The following FAM135A variants were observed in gnomAD, a reference collection of about 807,000 sequenced individuals.
The protein encoded by FAM135A is protein FAM135A.
In FAM135A, 79 loss-of-function variants were observed where a neutral mutation model predicts 146.8. That is an observed-to-expected ratio of 0.54 (90% CI 0.45 to 0.65). The LOEUF (loss-of-function observed/expected upper bound fraction) is 0.65. FAM135A is among the 30% of genes least tolerant of loss of function. The pLI is 0.00. For missense variants in FAM135A, 1,623 were observed against 1,758.2 expected, an observed-to-expected ratio of 0.92 and a Z score of 1.38; for synonymous variants, 562 against 603.6, an observed-to-expected ratio of 0.93 and a Z score of 1.01.
chr6:70,491,003 G>T (rs1483748652), intron 10 of FAM135A, 31 bp from the exon 11 acceptor site: 5 of 1,496,676 alleles, frequency 3.3e-6, no homozygotes, highest in Non-Finnish European at 4.5e-6. Context: ...TCTAACATTG[G>T]AATATTTCCT....
chr6:70,423,472 T>C (rs780173089), intron 2 of FAM135A, among the ~76,000 whole-genome samples: 9 of 152,206 alleles, frequency 5.9e-5, no homozygotes, highest in Admixed American at 5.2e-4. Flanking sequence ...TCCATTTTTT[T>C]GCTTTACCGT....
chr6:70,475,492 G>A lies in FAM135A; in HGVS notation c.240G>A (p.Glu80=), dbSNP rs903446742. 7 of 1,606,156 alleles carry A rather than the reference G, an allele frequency of 4.4e-6. No homozygotes were observed. Among genetic ancestry groups the A allele is most frequent in the Middle Eastern group, 3.3e-4 (2 of 6,030 alleles). Residue 80 remains glutamate (E), a synonymous_variant, in exon 6 of 22, where the codon GAG becomes GAA. Coordinates refer to ENST00000418814, the MANE Select transcript of FAM135A (RefSeq NM_001162529.3). ...KTFQILYKNE[E]VVLNDVMIFK... is the part of the protein sequence containing the mutation. ...TTCAAATTTTGTACAAAAATGAAGA[G>A]GTTGTTTTAAATGATGTTATGATCT...
At chr6:70,424,365 CCATT>C (rs1156576722) in intron 2 of FAM135A, among the ~76,000 whole-genome samples, 1 of 152,216 alleles carries the variant, frequency 6.6e-6, no homozygotes, top group African/African-American at 2.4e-5. Context: ...ACGTTTCTCT[CCATT>C]CAGTTCTCTG....
Position 70,475,728 on chromosome 6 carries a change from T to C in FAM135A, c.363T>C (p.Asp121=). 1.2e-6 allele frequency: 2 copies of C among 1,607,116 alleles called. No individual in the cohort carries two copies. The highest frequency in any genetic ancestry group is 1.1e-5 in the South Asian group (1 of 90,128). The change falls in exon 7 of 22, where the codon GAT becomes GAC. Residue 121 remains aspartate, a synonymous_variant. Coordinates refer to ENST00000418814, the MANE Select transcript of FAM135A (RefSeq NM_001162529.3). ...LSLDLHFTDG[D]YSADDLNALQ... ...TGGATCTACACTTCACAGATGGAGATTATTCGTAAGTAGCTAATCAATTAA... is the reference window on the plus strand; with the variant it reads ...TGGATCTACACTTCACAGATGGAGACTATTCGTAAGTAGCTAATCAATTAA...
intron 4 of FAM135A, among the ~76,000 whole-genome samples, chr6:70,432,749 A>G (rs1361358653): frequency 1.3e-5 from 2 of 151,274 alleles, no homozygotes; most frequent in African/African-American, 2.4e-5. Context: ...TTCTTCCCTT[A>G]TATTTTCTAA....
chr6:70,516,747 G>T (rs1388195805), intron 12 of FAM135A, among the ~76,000 whole-genome samples: 2 of 151,878 alleles, frequency 1.3e-5, no homozygotes, highest in Admixed American at 6.6e-5. Flanking sequence ...GTGTTAGCCA[G>T]GATGGTCTCG....
intron 5 of FAM135A, among the ~76,000 whole-genome samples, chr6:70,469,459 ACTT>A (rs767281103): frequency 6.6e-5 from 10 of 152,214 alleles, no homozygotes; most frequent in Non-Finnish European, 1.3e-4. Flanking sequence ...TTTGTATACA[ACTT>A]CTTATCTGGC....
intron 4 of FAM135A, among the ~76,000 whole-genome samples, chr6:70,444,295 C>T (rs1008493215): frequency 1.3e-5 from 2 of 152,092 alleles, no homozygotes; most frequent in Admixed American, 6.6e-5. Context: ...CCCAGCTACT[C>T]CAGGGGCTGA....
chr6:70,462,838 G>T (rs1490704287), intron 5 of FAM135A, among the ~76,000 whole-genome samples: 1 of 152,186 alleles, frequency 6.6e-6, no homozygotes, highest in Non-Finnish European at 1.5e-5. Flanking sequence ...TAAAAGTAAG[G>T]AAAGATTGTC....
chr6:70,479,621 G>C (rs1783326674), intron 8 of FAM135A, among the ~76,000 whole-genome samples: 2 of 152,110 alleles, frequency 1.3e-5, no homozygotes, highest in African/African-American at 2.4e-5. Context: ...GTTGATAAAG[G>C]GGTCATGTCT....
At chr6:70,533,389 C>G in intron 17 of FAM135A, 138 bp downstream of exon 17, 2 of 603,358 alleles carry the variant, frequency 3.3e-6, no homozygotes, top group Middle Eastern at 4.4e-4. Flanking sequence ...AATGTATATC[C>G]AAAGGAAATA....
intron 2 of FAM135A, among the ~76,000 whole-genome samples, chr6:70,425,207 T>C (rs1341157252): frequency 6.6e-6 from 1 of 151,948 alleles, no homozygotes; most frequent in Non-Finnish European, 1.5e-5. Flanking sequence ...TCATACTTAC[T>C]ACAATTCCTA....
chr6:70,533,401 A>T, intron 17 of FAM135A, 150 bp downstream of exon 17: 2 of 606,980 alleles, frequency 3.3e-6, no homozygotes, highest in Non-Finnish European at 5.8e-6. Context: ...AAGGAAATAT[A>T]TATGATTTAC....
intron 16 of FAM135A, among the ~76,000 whole-genome samples, chr6:70,528,766 A>G (rs1795223336): frequency 6.6e-6 from 1 of 151,854 alleles, no homozygotes; most frequent in Admixed American, 6.6e-5. Flanking sequence ...TTTGTTACAT[A>G]GGTATACACG....
At chr6:70,414,728 A>G (rs1275419779) in intron 1 of FAM135A, among the ~76,000 whole-genome samples, 3 of 152,198 alleles carry the variant, frequency 2.0e-5, no homozygotes, top group African/African-American at 7.2e-5. Context: ...CAAAAGAGTG[A>G]CAGTAGCAAC....
At chr6:70,541,193 T>A (rs1797853718) in intron 20 of FAM135A, among the ~76,000 whole-genome samples, 1 of 152,210 alleles carries the variant, frequency 6.6e-6, no homozygotes, top group Non-Finnish European at 1.5e-5. Context: ...ATTTCTTCCA[T>A]CTTAATAATA....
At chr6:70,512,910 T>C (rs1171830309) in intron 12 of FAM135A, among the ~76,000 whole-genome samples, 1 of 151,804 alleles carries the variant, frequency 6.6e-6, no homozygotes, top group Non-Finnish European at 1.5e-5. Flanking sequence ...GAATTATAGA[T>C]CTTACATTTA....
At chr6:70,426,119 A>ACAAC (rs1554261991) in intron 2 of FAM135A, among the ~76,000 whole-genome samples, 15 of 150,422 alleles carry the variant, frequency 1.0e-4, no homozygotes, top group African/African-American at 3.2e-4. Context: ...CAAAAAAAAA[A>ACAAC]AACAACAACA....
At chr6:70,439,210 G>C (rs1050592765) in intron 4 of FAM135A, among the ~76,000 whole-genome samples, 6 of 152,146 alleles carry the variant, frequency 3.9e-5, no homozygotes, top group African/African-American at 1.4e-4. Context: ...TGGGAGACAT[G>C]GACCCAGAAA....
Sources: allele counts gnomAD v4.1 joint callset (sites outside exome capture counted in the v4.1 genomes callset), GRCh38; gene constraint gnomAD v4.1.1; transcripts MANE v1.5; gene names NCBI Gene and HGNC (gene_info 2026-07-23, HGNC 2026-07-21).